PBX3: variants seen among roughly 807,000 people sequenced by gnomAD.
PBX3 encodes the protein pre-B-cell leukemia transcription factor 3.
PBX3 carries 14 observed loss-of-function variants against 48.5 expected under a neutral mutation model. The observed-to-expected ratio is 0.29, with a 90% CI of 0.19 to 0.45. The LOEUF (loss-of-function observed/expected upper bound fraction) is 0.45. Ranked by LOEUF, PBX3 falls within the 20% of genes least tolerant of loss-of-function variation. The probability of loss-of-function intolerance (pLI) is 1.00; values close to 1 mark genes in which losing one functional copy is unlikely to be tolerated. For synonymous variants in PBX3, 210 were observed against 200.3 expected (o/e 1.05, Z -0.41); for missense variants, 386 against 546.7 (o/e 0.71, Z 2.93).
intron 5 of PBX3, among the ~76,000 whole-genome samples, chr9:125,942,833 T>C (rs1346369673): frequency 6.6e-6 from 1 of 152,106 alleles, no homozygotes; most frequent in Non-Finnish European, 1.5e-5. Context: ...TTGTAAAAAA[T>C]GGGAGCTTTG....
At chr9:125,792,929 A>AC (rs1322901542) in intron 2 of PBX3, among the ~76,000 whole-genome samples, 3 of 151,694 alleles carry the variant, frequency 2.0e-5, no homozygotes, top group African/African-American at 7.3e-5. Context: ...TGAACTCCTG[A>AC]CCTTGTGATC....
chr9:125,935,722 T>C (rs1841821649), intron 5 of PBX3, 115 bp downstream of exon 5: 5 of 1,048,498 alleles, frequency 4.8e-6, no homozygotes, highest in East Asian at 5.2e-5. Flanking sequence ...AAAAAAGATA[T>C]AAGGAAAATG....
intron 2 of PBX3, among the ~76,000 whole-genome samples, chr9:125,822,067 A>C (rs1838668345): frequency 1.3e-5 from 2 of 152,086 alleles, no homozygotes; most frequent in African/African-American, 4.8e-5. Flanking sequence ...TCAGGAGTAA[A>C]TTAGCCTGTG....
At chr9:125,795,045 C>A (rs1487349682) in intron 2 of PBX3, among the ~76,000 whole-genome samples, 1 of 152,256 alleles carries the variant, frequency 6.6e-6, no homozygotes, top group Non-Finnish European at 1.5e-5. Context: ...CCACTGGCTT[C>A]ATCCTCACTC....
chr9:125,792,578 A>T (rs1837642819), intron 2 of PBX3, among the ~76,000 whole-genome samples: 1 of 152,158 alleles, frequency 6.6e-6, no homozygotes, highest in African/African-American at 2.4e-5. Flanking sequence ...TATAGCTCCC[A>T]GTGATAGGGA....
intron 2 of PBX3, among the ~76,000 whole-genome samples, chr9:125,817,973 C>T (rs1354975944): frequency 9.2e-5 from 14 of 152,040 alleles, no homozygotes; most frequent in Non-Finnish European, 1.0e-4. Context: ...GAGGCCGAGG[C>T]GGACGGATCA....
chr9:125,816,096 C>T (rs561148643), intron 2 of PBX3, among the ~76,000 whole-genome samples: 45 of 152,284 alleles, frequency 3.0e-4, no homozygotes, highest in African/African-American at 1.1e-3. Context: ...CCCCGACTGC[C>T]CGGGCTCAGG....
intron 5 of PBX3, among the ~76,000 whole-genome samples, chr9:125,941,449 C>A (rs192414710): frequency 6.6e-6 from 1 of 152,136 alleles, no homozygotes; most frequent in East Asian, 1.9e-4. Context: ...GACATTAGAC[C>A]CTGGGAGGCA....
intron 1 of PBX3, 169 bp from the exon 2 acceptor site, chr9:125,748,381 G>A: frequency 7.4e-7 from 1 of 1,346,752 alleles, no homozygotes; most frequent in Admixed American, 2.8e-5. Flanking sequence ...GCCGGGGCTT[G>A]CTGGCTGTCG....
intron 2 of PBX3, among the ~76,000 whole-genome samples, chr9:125,856,585 G>C (rs1839730278): frequency 6.6e-6 from 1 of 152,192 alleles, no homozygotes; most frequent in Non-Finnish European, 1.5e-5. Context: ...ACAACTGCTA[G>C]ACAAGCAGTC....
chr9:125,877,468 G>A (rs1368672365), intron 2 of PBX3, among the ~76,000 whole-genome samples: 1 of 152,130 alleles, frequency 6.6e-6, no homozygotes, highest in Non-Finnish European at 1.5e-5. Flanking sequence ...TCTTTGTTGT[G>A]TATATCAAAG....
intron 2 of PBX3, among the ~76,000 whole-genome samples, chr9:125,910,212 A>C (rs775663545): frequency 6.6e-6 from 1 of 152,172 alleles, no homozygotes; most frequent in Non-Finnish European, 1.5e-5. Context: ...TGGGCAGTGA[A>C]GTAATCATTT....
intron 5 of PBX3, among the ~76,000 whole-genome samples, chr9:125,952,265 G>A (rs1842210794): frequency 6.6e-6 from 1 of 152,176 alleles, no homozygotes; most frequent in South Asian, 2.1e-4. Context: ...TGATGTTTTA[G>A]TGTCAGCTGC....
chr9:125,859,323 C>CCT (rs1161656128), intron 2 of PBX3, among the ~76,000 whole-genome samples: 3 of 151,924 alleles, frequency 2.0e-5, no homozygotes, highest in Non-Finnish European at 4.4e-5. Flanking sequence ...TTGTCAAGGC[C>CCT]CATGAAAGTA....
rs762656907 is a variant in PBX3, at chr9:125,759,623, A to G, written c.274+11000A>G. Among the ~76,000 whole-genome samples, 1 of 152,234 alleles carries G rather than the reference A, an allele frequency of 6.6e-6. No individual in the cohort carries two copies. The highest frequency in any genetic ancestry group is 2.1e-4 in the South Asian group (1 of 4,834). ...CAGATGCTGTTTAAGAAAAGGGGGAACATAATTTTGTGGGCAATGAATTAA... is the reference window on the plus strand; with the variant it reads ...CAGATGCTGTTTAAGAAAAGGGGGAGCATAATTTTGTGGGCAATGAATTAA... On this transcript the variant is annotated intron_variant, in intron 2 of 8. Coordinates refer to ENST00000373489, the MANE Select transcript of PBX3 (RefSeq NM_006195.6). The surrounding 1 kb of genome is among the most constrained non-coding windows in gnomAD (Gnocchi z 4.2).
At chr9:125,926,327 C>T (rs1253680434) in intron 3 of PBX3, among the ~76,000 whole-genome samples, 1 of 151,790 alleles carries the variant, frequency 6.6e-6, no homozygotes, top group Non-Finnish European at 1.5e-5. Context: ...CGAGACCAGC[C>T]TGGCCAACAT....
intron 8 of PBX3, among the ~76,000 whole-genome samples, chr9:125,965,373 C>CTGGAA (rs769815487): frequency 4.6e-5 from 7 of 152,150 alleles, no homozygotes; most frequent in Non-Finnish European, 8.8e-5. Flanking sequence ...CCAAGGGTTA[C>CTGGAA]AGTAGCTGGC....
rs781609827 is a variant in PBX3, at chr9:125,963,120, C to G, written c.1212+19C>G. On this transcript the variant is annotated intron_variant, in intron 8 of 8. Coordinates refer to ENST00000373489, the MANE Select transcript of PBX3 (RefSeq NM_006195.6). ...TTTAAATGTGAGTACTCTGGGGAGT[C>G]AGCTGTAGGAGAACAGTGTCAGGTA... 14 of 1,379,924 alleles carry G rather than the reference C, an allele frequency of 1.0e-5. No individual in the cohort carries two copies. Among genetic ancestry groups the G allele is most frequent in the Non-Finnish European group, 1.2e-5 (12 of 976,988 alleles). 85.5% of individuals were successfully genotyped at this position (1,379,924 alleles called of 1,614,324 possible).
At chr9:125,772,580 T>G (rs1257381762) in intron 2 of PBX3, among the ~76,000 whole-genome samples, 3 of 152,342 alleles carry the variant, frequency 2.0e-5, no homozygotes, top group Admixed American at 6.5e-5. Flanking sequence ...TTTGTAACTT[T>G]GACAAGTCAC....
Sources: allele counts gnomAD v4.1 joint callset (sites outside exome capture counted in the v4.1 genomes callset), GRCh38; gene constraint gnomAD v4.1.1; non-coding constraint Gnocchi (gnomAD v3.1); transcripts MANE v1.5; gene names NCBI Gene and HGNC (gene_info 2026-07-23, HGNC 2026-07-21).